GPA33: variants seen among roughly 807,000 people sequenced by gnomAD.
GPA33 encodes glycoprotein A33, also known as cell surface A33 antigen.
A neutral mutation model predicts 35.6 loss-of-function variants in GPA33; 27 were observed. The observed-to-expected ratio is 0.76, with a 90% CI of 0.56 to 1.04. The LOEUF (loss-of-function observed/expected upper bound fraction) is 1.04. GPA33 is among the 50% of genes least tolerant of loss of function. The probability of loss-of-function intolerance (pLI) is 0.00; values close to 1 mark genes in which losing one functional copy is unlikely to be tolerated. For missense variants in GPA33, 428 were observed against 411.9 expected, an observed-to-expected ratio of 1.04 and a Z score of -0.34; for synonymous variants, 176 against 164.0, an observed-to-expected ratio of 1.07 and a Z score of -0.56.
chr1:167,056,872 G>GTGTA, intron 4 of GPA33, among the ~76,000 whole-genome samples: 1 of 95,006 alleles, frequency 1.1e-5, no homozygotes, highest in Middle Eastern at 5.2e-3. Flanking sequence ...TGTGTGGTGT[G>GTGTA]TGGTGTGTGT....
chr1:167,056,827 AGT>A (rs1666307769), intron 4 of GPA33, among the ~76,000 whole-genome samples: 1 of 9,140 alleles, frequency 1.1e-4, no homozygotes, highest in Admixed American at 1.0e-3. Context: ...CAGCGTTTGT[AGT>A]GTGTGTGGTG....
rs1159070617 is a variant in GPA33, at chr1:167,090,265, A to C, written c.23T>G (p.Val8Gly). 1 of 1,613,712 alleles carries C rather than the reference A, an allele frequency of 6.2e-7. No homozygotes were observed. The highest frequency in any genetic ancestry group is 8.5e-7 in the Non-Finnish European group (1 of 1,179,628). Reference sequence around the variant, plus strand: ...CTCACCTGCACAGAGTGTCCACAACACAGGCCACATCTTCCCCACCATGGT... The same window carrying C: ...CTCACCTGCACAGAGTGTCCACAACCCAGGCCACATCTTCCCCACCATGGT... MVGKMWP[V>G]LWTLCAVRVT... The change falls in exon 1 of 7, where the codon GTG (valine) becomes GGG (glycine). Residue 8 changes from valine (V) to glycine (G), a missense_variant. Transcript: ENST00000367868.
intron 1 of GPA33, among the ~76,000 whole-genome samples, chr1:167,082,809 C>T (rs1222467008): frequency 6.6e-6 from 1 of 152,198 alleles, no homozygotes. Context: ...ATGTTCTGCC[C>T]ATGCCTGGTG....
At chr1:167,056,717 T>TG (rs2102166769) in intron 4 of GPA33, among the ~76,000 whole-genome samples, 1 of 3,750 alleles carries the variant, frequency 2.7e-4, no homozygotes, top group East Asian at 5.3e-3. Context: ...GTAGTGTGTG[T>TG]GTAGTGTGTG....
At chr1:167,073,618 G>A in intron 1 of GPA33, 79 bp from the exon 2 acceptor site, 2 of 1,273,602 alleles carry the variant, frequency 1.6e-6, no homozygotes, top group Admixed American at 2.0e-5. Context: ...CAGGACCACT[G>A]AGGGAATGTC....
intron 1 of GPA33, among the ~76,000 whole-genome samples, chr1:167,088,691 A>G (rs1354013633): frequency 1.3e-5 from 2 of 152,214 alleles, no homozygotes; most frequent in African/African-American, 4.8e-5. Context: ...CTGGGTGAGC[A>G]TCTTGTTTTA....
At chr1:167,069,377 G>A (rs151126936) in intron 2 of GPA33, among the ~76,000 whole-genome samples, 18 of 152,154 alleles carry the variant, frequency 1.2e-4, no homozygotes, top group African/African-American at 2.9e-4. Context: ...AGTTCATACC[G>A]CAGTACACAT....
chr1:167,072,514 C>T (rs1426235868), intron 2 of GPA33, among the ~76,000 whole-genome samples: 12 of 152,046 alleles, frequency 7.9e-5, no homozygotes, highest in Admixed American at 1.3e-4. Flanking sequence ...TTCACATACC[C>T]TTTTTCACAT....
intron 4 of GPA33, among the ~76,000 whole-genome samples, chr1:167,056,698 G>A (rs1470431081): frequency 7.4e-5 from 2 of 27,044 alleles, no homozygotes; most frequent in African/African-American, 1.4e-4. Flanking sequence ...TGGTGGGTGT[G>A]TGGTGTGTGT....
intron 1 of GPA33, chr1:167,082,329 C>A: frequency 2.2e-6 from 1 of 455,804 alleles, no homozygotes; most frequent in Non-Finnish European, 4.4e-6. Context: ...AAACATACAG[C>A]CCTCTTTTAA....
intron 1 of GPA33, chr1:167,078,489 G>A (rs995290119): frequency 4.6e-5 from 7 of 152,160 alleles, no homozygotes; most frequent in Non-Finnish European, 7.3e-5. Flanking sequence ...TGTGAGAGGC[G>A]AGACTCTGCC....
chr1:167,056,656 T>G (rs1271368310), intron 4 of GPA33, among the ~76,000 whole-genome samples: 1 of 23,942 alleles, frequency 4.2e-5, no homozygotes, highest in African/African-American at 1.5e-4. Flanking sequence ...GTAGTGTGTG[T>G]GGTACGGTGA....
At chr1:167,083,482 G>A (rs1245789266) in intron 1 of GPA33, among the ~76,000 whole-genome samples, 4 of 152,216 alleles carry the variant, frequency 2.6e-5, no homozygotes, top group Admixed American at 6.5e-5. Context: ...CTGGGTGCCT[G>A]TGTCCTGGGC....
chr1:167,082,435 C>T (rs1164100263), intron 1 of GPA33: 3 of 401,478 alleles, frequency 7.5e-6, no homozygotes, highest in Admixed American at 6.0e-5. Flanking sequence ...AAAGCTGAGA[C>T]CAGAGGGGCA....
chr1:167,085,679 T>C (rs1008977032), intron 1 of GPA33, among the ~76,000 whole-genome samples: 2 of 152,220 alleles, frequency 1.3e-5, no homozygotes, highest in East Asian at 1.9e-4. Flanking sequence ...ATGACTTGTA[T>C]GCACACTAAT....
intron 4 of GPA33, among the ~76,000 whole-genome samples, chr1:167,059,043 GCAGA>G (rs1480157303): frequency 2.0e-5 from 3 of 152,322 alleles, no homozygotes; most frequent in Admixed American, 1.3e-4. Flanking sequence ...GCAGCACACT[GCAGA>G]CAGTCAGGAC....
At chr1:167,059,880 T>C (rs1005703559) in intron 4 of GPA33, among the ~76,000 whole-genome samples, 1 of 152,208 alleles carries the variant, frequency 6.6e-6, no homozygotes, top group Non-Finnish European at 1.5e-5. Context: ...TTCTTTTCAC[T>C]GCTAGCTTGT....
At chr1:167,060,994 C>A (rs754766189) in intron 4 of GPA33, among the ~76,000 whole-genome samples, 12 of 152,236 alleles carry the variant, frequency 7.9e-5, no homozygotes, top group Non-Finnish European at 1.5e-4. Flanking sequence ...GTGCTTACTG[C>A]CTACCAGGCA....
At chr1:167,079,438 G>A (rs180746908) in intron 1 of GPA33, among the ~76,000 whole-genome samples, 40 of 145,904 alleles carry the variant, frequency 2.7e-4, no homozygotes, top group Middle Eastern at 3.6e-3. Flanking sequence ...GTTGCAGTGA[G>A]CCGAGATCAC....
Sources: allele counts gnomAD v4.1 joint callset (sites outside exome capture counted in the v4.1 genomes callset), GRCh38; gene constraint gnomAD v4.1.1; transcripts MANE v1.5; gene names NCBI Gene and HGNC (gene_info 2026-07-23, HGNC 2026-07-21).